FBXL7: variants seen among roughly 807,000 people sequenced by gnomAD.
FBXL7 encodes F-box/LRR-repeat protein 7.
Under a neutral mutation model 38.3 loss-of-function variants are expected in FBXL7, and 12 were observed. The ratio of observed to expected loss-of-function variants is 0.31; its 90% CI spans 0.20 to 0.51. FBXL7 has a LOEUF of 0.51. FBXL7 is among the 20% of genes least tolerant of loss of function. The pLI is 0.98. For missense variants in FBXL7, 567 were observed against 676.4 expected (o/e 0.84, Z 1.79); for synonymous variants, 297 against 300.9 (o/e 0.99, Z 0.13).
At position 15,772,099 on chromosome 5, in the gene FBXL7, A is replaced by G. The variant is rs555273569; in HGVS notation, c.128-155791A>G. Among the ~76,000 whole-genome samples, 124 of 152,242 alleles carry G rather than the reference A, an allele frequency of 8.1e-4. 1 individual carries two copies. Among genetic ancestry groups the G allele is most frequent in the Admixed American group, 1.8e-3 (27 of 15,294 alleles). The stretch of plus-strand genomic sequence containing the variant: ...TTAACTGACTTTTAATAAAGTAACT[A>G]TAAGTGATCTAAAAGCCTCAAATAA... On this transcript the variant is annotated intron_variant, in intron 2 of 3. Coordinates refer to ENST00000504595, the MANE Select transcript of FBXL7 (RefSeq NM_012304.5).
At chr5:15,823,114 C>T (rs907793516) in intron 2 of FBXL7, among the ~76,000 whole-genome samples, 5 of 152,156 alleles carry the variant, frequency 3.3e-5, no homozygotes, top group African/African-American at 1.2e-4. Context: ...GTCTGATGTA[C>T]CTCACAAGAG....
intron 2 of FBXL7, among the ~76,000 whole-genome samples, chr5:15,851,967 A>G (rs966020742): frequency 5.9e-5 from 9 of 152,112 alleles, no homozygotes; most frequent in African/African-American, 2.2e-4. Flanking sequence ...AAAATATAAT[A>G]AAGGTATATC....
At chr5:15,518,775 C>T (rs1171160931) in intron 1 of FBXL7, among the ~76,000 whole-genome samples, 2 of 152,158 alleles carry the variant, frequency 1.3e-5, no homozygotes, top group African/African-American at 4.8e-5. Context: ...CTCCTTGAGA[C>T]ATCCCACCCA....
At chr5:15,518,384 C>A (rs922939837) in intron 1 of FBXL7, among the ~76,000 whole-genome samples, 2 of 152,162 alleles carry the variant, frequency 1.3e-5, no homozygotes, top group Non-Finnish European at 2.9e-5. Flanking sequence ...ATTATTTCCT[C>A]GGTTTGTTTT....
At chr5:15,763,104 C>A (rs1246449760) in intron 2 of FBXL7, among the ~76,000 whole-genome samples, 4 of 152,138 alleles carry the variant, frequency 2.6e-5, no homozygotes, top group African/African-American at 7.2e-5. Context: ...ATTTTGGTTT[C>A]TAATTTCTTG....
chr5:15,760,456 A>G (rs758425036), intron 2 of FBXL7, among the ~76,000 whole-genome samples: 5 of 151,252 alleles, frequency 3.3e-5, no homozygotes, highest in Non-Finnish European at 7.4e-5. Context: ...AAGTTGAGAG[A>G]GTCCTAGATG....
chr5:15,873,480 G>T (rs980136543), intron 2 of FBXL7, among the ~76,000 whole-genome samples: 1 of 152,060 alleles, frequency 6.6e-6, no homozygotes, highest in Admixed American at 6.6e-5. Flanking sequence ...CCAGGAGGTG[G>T]TTTTTTGAAA....
intron 2 of FBXL7, among the ~76,000 whole-genome samples, chr5:15,641,514 T>G (rs1214823098): frequency 2.6e-5 from 4 of 151,980 alleles, no homozygotes; most frequent in Non-Finnish European, 5.9e-5. Flanking sequence ...TTTTTTTTTT[T>G]TTTGGTGGCA....
At chr5:15,634,466 T>C (rs1274237301) in intron 2 of FBXL7, among the ~76,000 whole-genome samples, 1 of 150,872 alleles carries the variant, frequency 6.6e-6, no homozygotes, top group East Asian at 2.0e-4. Context: ...GGATTACAGG[T>C]GCCCACCACC....
intron 1 of FBXL7, among the ~76,000 whole-genome samples, chr5:15,592,458 T>TTA (rs1000523885): frequency 6.0e-4 from 92 of 152,254 alleles, no homozygotes; most frequent in African/African-American, 1.7e-3. Flanking sequence ...TAATGTCAGA[T>TTA]TATATATATA....
chr5:15,921,941 G>A (rs74491361), intron 2 of FBXL7, among the ~76,000 whole-genome samples: 1,835 of 152,180 alleles, frequency 0.012, 19 homozygotes, highest in African/African-American at 0.025. Context: ...TAAATTGAAA[G>A]TAGAGTACCA....
intron 2 of FBXL7, among the ~76,000 whole-genome samples, chr5:15,921,074 C>T (rs757038646): frequency 6.6e-6 from 1 of 151,846 alleles, no homozygotes; most frequent in Non-Finnish European, 1.5e-5. Flanking sequence ...TAATTGTTGC[C>T]TTTTTCAAGT....
intron 2 of FBXL7, among the ~76,000 whole-genome samples, chr5:15,899,424 G>A (rs1205152849): frequency 6.6e-6 from 1 of 152,196 alleles, no homozygotes; most frequent in Non-Finnish European, 1.5e-5. Flanking sequence ...AATGATTCAA[G>A]TGTTCTGCTG....
chr5:15,626,543 CCT>C (rs1491196333), intron 2 of FBXL7, among the ~76,000 whole-genome samples: 2 of 103,672 alleles, frequency 1.9e-5, no homozygotes, highest in East Asian at 2.3e-4. Flanking sequence ...AAATTCGTTT[CCT>C]GTGTGTGTGT....
chr5:15,555,973 T>TCATC (rs1292810743), intron 1 of FBXL7, among the ~76,000 whole-genome samples: 4 of 110,228 alleles, frequency 3.6e-5, no homozygotes, highest in African/African-American at 1.3e-4. Context: ...CATCTGTCTA[T>TCATC]CATCTATCTA....
chr5:15,829,982 G>T (rs1265670306), intron 2 of FBXL7, among the ~76,000 whole-genome samples: 1 of 152,116 alleles, frequency 6.6e-6, no homozygotes, highest in Non-Finnish European at 1.5e-5. Flanking sequence ...CGTACCCAGA[G>T]AATTACATGT....
intron 2 of FBXL7, among the ~76,000 whole-genome samples, chr5:15,754,430 C>T (rs1172378145): frequency 6.6e-6 from 1 of 152,134 alleles, no homozygotes; most frequent in Non-Finnish European, 1.5e-5. Context: ...GCAGCAGGGG[C>T]ATCACATGGT....
intron 1 of FBXL7, among the ~76,000 whole-genome samples, chr5:15,505,968 T>A (rs1736634983): frequency 6.6e-6 from 1 of 152,162 alleles, no homozygotes; most frequent in African/African-American, 2.4e-5. Context: ...CCATCTTAAT[T>A]AAGCACTTAT....
At position 15,616,821 on chromosome 5, in the gene FBXL7, A is replaced by T. The variant is rs1740469349; in HGVS notation, c.127+749A>T. 1.3e-5 allele frequency among the ~76,000 whole-genome samples: 2 copies of T among 152,224 alleles called. 1 individual carries two copies. Among genetic ancestry groups the T allele is most frequent in the South Asian group, 4.1e-4 (2 of 4,828 alleles). ...TTAAATGACTTTCTGTCTGAAAATG[A>T]GTTGTTGCTAAACTAATTGTTGGAT... On this transcript the variant is annotated intron_variant, in intron 2 of 3. Transcript: ENST00000504595.
Sources: gnomAD v4.1 joint callset for allele counts (sites outside exome capture counted in the v4.1 genomes callset) on GRCh38, gnomAD v4.1.1 for gene constraint, MANE v1.5 for transcripts, NCBI Gene and HGNC (gene_info 2026-07-23, HGNC 2026-07-21) for gene names.